The following FGD6 variants were observed in gnomAD, a reference collection of about 807,000 sequenced individuals.
FGD6 encodes the protein FYVE, RhoGEF and PH domain containing 6.
FGD6 carries 90 observed loss-of-function variants against 149.4 expected under a neutral mutation model. The ratio of observed to expected loss-of-function variants is 0.60; its 90% CI spans 0.51 to 0.72. FGD6 has a LOEUF of 0.72. FGD6 is among the 30% of genes least tolerant of loss of function. The probability of loss-of-function intolerance (pLI) is 0.00; values close to 1 mark genes in which losing one functional copy is unlikely to be tolerated. For missense variants in FGD6, 1,437 were observed against 1,684.8 expected (o/e 0.85, Z 2.57); for synonymous variants, 527 against 584.0 (o/e 0.90, Z 1.41).
At chr12:95,200,059 T>C (rs1002475233) in intron 2 of FGD6, among the ~76,000 whole-genome samples, 7 of 152,160 alleles carry the variant, frequency 4.6e-5, no homozygotes, top group Non-Finnish European at 8.8e-5. Context: ...TTTTCAGATA[T>C]AAAACAAAAC....
chr12:95,185,331 T>C (rs1055622679), intron 2 of FGD6, among the ~76,000 whole-genome samples: 1 of 151,954 alleles, frequency 6.6e-6, no homozygotes, highest in Non-Finnish European at 1.5e-5. Flanking sequence ...TCAGGGAAAA[T>C]GGAAGGGAAG....
At chr12:95,123,098 G>A (rs1029540822) in intron 8 of FGD6, among the ~76,000 whole-genome samples, 3 of 151,318 alleles carry the variant, frequency 2.0e-5, no homozygotes, top group African/African-American at 7.3e-5. Context: ...TTGCCTTTCT[G>A]TGAATTAGAA....
rs906656798 is a variant in FGD6, at chr12:95,090,540, A to C, written c.3851-844T>G. ...GATTTTTGATGATAAAATTGACAAG[A>C]GTTACTGACCAAATGGGTATAGGTG... is the stretch of plus-strand genomic sequence containing the variant. On this transcript the variant is annotated intron_variant, in intron 17 of 20. Coordinates refer to ENST00000343958, the MANE Select transcript of FGD6 (RefSeq NM_018351.4). Among the ~76,000 whole-genome samples the C allele has an allele frequency of 2.0e-5, 3 of 152,212 alleles. No individual in the cohort carries two copies. The East Asian group carries it at 5.8e-4, about 29-fold the overall frequency.
chr12:95,183,230 T>A (rs1327356717), intron 2 of FGD6, among the ~76,000 whole-genome samples: 1 of 152,210 alleles, frequency 6.6e-6, no homozygotes, highest in Admixed American at 6.5e-5. Flanking sequence ...AGGTGCAGTG[T>A]CTGCCTAGCC....
Position 95,149,275 on chromosome 12 carries a change from T to TATAGCATATATA in FGD6, c.2685+3524_2685+3535dup, listed in dbSNP as rs1356491097. Among the ~76,000 whole-genome samples the TATAGCATATATA allele has an allele frequency of 5.7e-5, 2 of 34,950 alleles. 1 individual carries two copies. The highest frequency in any genetic ancestry group is 9.0e-5 in the Non-Finnish European group (2 of 22,100). The allele number at this position is 34,950 out of a possible 152,430, so 22.9% of individuals were successfully genotyped here. On this transcript the variant is annotated intron_variant, in intron 5 of 20. Coordinates refer to ENST00000343958, the MANE Select transcript of FGD6 (RefSeq NM_018351.4). ...CATATATATTATATATTATATTACATATAGCATATATAATATTATATATAA... is the reference window on the plus strand; with the variant it reads ...CATATATATTATATATTATATTACATATAGCATATATAATAGCATATATAATATTATATATAA...
chr12:95,150,684 C>T (rs1361349566), intron 5 of FGD6, among the ~76,000 whole-genome samples: 1 of 151,870 alleles, frequency 6.6e-6, no homozygotes, highest in Non-Finnish European at 1.5e-5. Context: ...AATCAGCTCA[C>T]TGCAGTTTTG....
At chr12:95,127,254 ATCT>A (rs77549191) in intron 8 of FGD6, among the ~76,000 whole-genome samples, 14,626 of 152,182 alleles carry the variant, frequency 0.096, 963 homozygotes, top group African/African-American at 0.18. Context: ...AAAAAGAGTC[ATCT>A]ATTAGCGGCT....
chr12:95,132,475 G>A (rs1879549851), intron 8 of FGD6, among the ~76,000 whole-genome samples: 1 of 151,978 alleles, frequency 6.6e-6, no homozygotes, highest in South Asian at 2.1e-4. Context: ...TAATATGGCC[G>A]GGCACCGTGG....
chr12:95,143,814 T>C (rs1038588442), intron 5 of FGD6, among the ~76,000 whole-genome samples: 2 of 152,332 alleles, frequency 1.3e-5, no homozygotes, highest in South Asian at 2.1e-4. Context: ...TCCTCTATGG[T>C]TATCTTTTTT....
In FGD6 at chr12:95,121,462, AAGATATATATATATATATGTAT is replaced by A. The variant is rs1293494778; in HGVS notation, c.3083-7783_3083-7762del. 8.8e-4 allele frequency among the ~76,000 whole-genome samples: 53 copies of A among 60,316 alleles called. 1 individual carries two copies. The highest frequency in any genetic ancestry group is 4.8e-3 in the African/African-American group (50 of 10,314). The allele number at this position is 60,316 out of a possible 152,430, so 39.6% of individuals were successfully genotyped here. A position where few individuals can be genotyped will look rare whatever the true frequency, so the allele number is the denominator to read the frequency against. ...TAAAATTCCGTCTCAAAAAAAAAAA[AAGATATATATATATATATGTAT>A]ATATATATATATATATATTCCTTTA... On this transcript the variant is annotated intron_variant, in intron 8 of 20. Coordinates refer to ENST00000343958, the MANE Select transcript of FGD6 (RefSeq NM_018351.4).
At chr12:95,105,666 C>T (rs1011030878) in intron 13 of FGD6, among the ~76,000 whole-genome samples, 2 of 152,162 alleles carry the variant, frequency 1.3e-5, no homozygotes, top group African/African-American at 2.4e-5. Flanking sequence ...TAGTAGTTCT[C>T]AATAAATATC....
chr12:95,082,530 G>A (rs7397212), intron 20 of FGD6, among the ~76,000 whole-genome samples: 10,859 of 151,530 alleles, frequency 0.072, 485 homozygotes, highest in East Asian at 0.15. Context: ...GGTGGTGTGC[G>A]CCTGTAATCC....
At chr12:95,097,462 C>G (rs1274185293) in intron 14 of FGD6, among the ~76,000 whole-genome samples, 1 of 151,770 alleles carries the variant, frequency 6.6e-6, no homozygotes, top group Non-Finnish European at 1.5e-5. Flanking sequence ...ATGTGAAAAC[C>G]CTGTCTCTAC....
rs911895377 is a variant in FGD6 at position 95,079,145 on chromosome 12, G to T, written c.*2375C>A. On this transcript the variant is annotated 3_prime_UTR_variant, in exon 21 of 21. Coordinates refer to ENST00000343958, the MANE Select transcript of FGD6 (RefSeq NM_018351.4). ...CATAAATAACAATTGGTCAGCTTTA[G>T]TAAGTTATGAAGGACTCATAAAGGG... 5 of 152,156 alleles carry T rather than the reference G, an allele frequency of 3.3e-5. No individual in the cohort carries two copies. The highest frequency in any genetic ancestry group is 7.3e-5 in the Non-Finnish European group (5 of 68,028). The allele number at this position is 152,156 out of a possible 1,614,324, so 9.4% of individuals were successfully genotyped here. A position where few individuals can be genotyped will look rare whatever the true frequency, so the allele number is the denominator to read the frequency against.
Position 95,091,703 on chromosome 12 carries a change from T to C in FGD6, c.3850+4A>G. ...TTTTGGTTAAATCCTTACTTATATA[T>C]TACCTAATTTCTGCAGTTCTTGGAA... On this transcript the variant is annotated splice_donor_region_variant and intron_variant, in intron 17 of 20. Coordinates refer to ENST00000343958, the MANE Select transcript of FGD6 (RefSeq NM_018351.4). The C allele has an allele frequency of 2.5e-6, 4 of 1,608,874 alleles. No individual in the cohort carries two copies. Among genetic ancestry groups the C allele is most frequent in the Non-Finnish European group, 3.4e-6 (4 of 1,177,236 alleles).
At chr12:95,162,227 GAATA>G (rs1880665615) in intron 3 of FGD6, among the ~76,000 whole-genome samples, 1 of 151,494 alleles carries the variant, frequency 6.6e-6, no homozygotes, top group South Asian at 2.1e-4. Context: ...TGATAAATAA[GAATA>G]GCCCCAGTTG....
At position 95,217,426 on chromosome 12, in the gene FGD6, T is replaced by G; in HGVS notation, c.-186A>C. Reference sequence around the variant, plus strand: ...GCCGACTCTAGCGACCCTGCGGCGCTCCCGGGCGCGAGCCGCCGGGGTCGG... The same window carrying G: ...GCCGACTCTAGCGACCCTGCGGCGCGCCCGGGCGCGAGCCGCCGGGGTCGG... On this transcript the variant is annotated 5_prime_UTR_variant, in exon 1 of 21. Transcript: ENST00000343958. 1.0e-6 allele frequency: 1 copy of G among 983,788 alleles called. No individual in the cohort carries two copies. Among genetic ancestry groups the G allele is most frequent in the Non-Finnish European group, 1.4e-6 (1 of 724,866 alleles). The allele number at this position is 983,788 out of a possible 1,614,324, so 60.9% of individuals were successfully genotyped here. A position where few individuals can be genotyped will look rare whatever the true frequency, so the allele number is the denominator to read the frequency against.
chr12:95,216,958 A>G (rs948455579), intron 1 of FGD6, among the ~76,000 whole-genome samples: 5 of 152,224 alleles, frequency 3.3e-5, no homozygotes, highest in African/African-American at 1.2e-4. Context: ...CCCTTCACAC[A>G]TCGCATTTCA....
In FGD6 at chr12:95,210,049, T is replaced by C. The variant is rs1361550137; in HGVS notation, c.1235A>G (p.Glu412Gly). 1.2e-6 allele frequency: 2 copies of C among 1,614,124 alleles called. No homozygotes were observed. The highest frequency in any genetic ancestry group is 1.7e-6 in the Non-Finnish European group (2 of 1,180,032). The change falls in exon 2 of 21, where the codon GAA becomes GGA. Residue 412 changes from glutamate (E) to glycine (G), a missense_variant. Coordinates refer to ENST00000343958, the MANE Select transcript of FGD6 (RefSeq NM_018351.4). Reference protein sequence around the residue: ...KAMCNETTSFEKMAPSFDKDS... With the variant: ...KAMCNETTSFGKMAPSFDKDS... ...TTTATCAAAAGAAGGTGCCATTTTTTCAAAGGAAGTTGTTTCATTACACAT... is the reference window on the plus strand; with the variant it reads ...TTTATCAAAAGAAGGTGCCATTTTTCCAAAGGAAGTTGTTTCATTACACAT...
Sources: gnomAD v4.1 joint callset for allele counts (sites outside exome capture counted in the v4.1 genomes callset) on GRCh38, gnomAD v4.1.1 for gene constraint, MANE v1.5 for transcripts, NCBI Gene and HGNC (gene_info 2026-07-23, HGNC 2026-07-21) for gene names.